Variants in LRGUK observed in about 807,000 individuals in gnomAD.
LRGUK encodes the protein leucine-rich repeat and guanylate kinase domain-containing protein.
Under a neutral mutation model 76.0 loss-of-function variants are expected in LRGUK, and 65 were observed. That is an observed-to-expected ratio of 0.85 (90% CI 0.70 to 1.05). The LOEUF is 1.05. LRGUK is among the 50% of genes least tolerant of loss of function. The pLI, the probability that LRGUK is intolerant of heterozygous loss-of-function variation, is 0.00. For missense variants in LRGUK, 758 were observed against 732.8 expected, an observed-to-expected ratio of 1.03 and a Z score of -0.40; for synonymous variants, 268 against 265.6, an observed-to-expected ratio of 1.01 and a Z score of -0.09.
chr7:134,216,621 TAAAATC>T (rs1801443047), intron 15 of LRGUK, among the ~76,000 whole-genome samples: 1 of 152,194 alleles, frequency 6.6e-6, no homozygotes, highest in South Asian at 2.1e-4. Context: ...TCATTATTGA[TAAAATC>T]AAGATCATTT....
chr7:134,193,225 G>A (rs931234231), intron 12 of LRGUK, among the ~76,000 whole-genome samples: 1 of 152,278 alleles, frequency 6.6e-6, no homozygotes, highest in East Asian at 1.9e-4. Flanking sequence ...TGGCAGTTCA[G>A]TTTAATTGAT....
intron 16 of LRGUK, among the ~76,000 whole-genome samples, chr7:134,237,855 T>C (rs1377625054): frequency 1.3e-5 from 2 of 152,200 alleles, no homozygotes; most frequent in African/African-American, 4.8e-5. Context: ...TAAGTTTTTT[T>C]CTATTATGTA....
At position 134,257,774 on chromosome 7, in the gene LRGUK, A is replaced by G. The variant is rs1261878190; in HGVS notation, c.2199-483A>G. ...AGCCCAGATCGTGTCACTGCCCTCC[A>G]GTCTGGGTGACAGAATAAGACTCTG... On this transcript the variant is annotated intron_variant, in intron 18 of 19. Transcript: ENST00000285928. Among the ~76,000 whole-genome samples, 5 of 152,160 alleles carry G rather than the reference A, an allele frequency of 3.3e-5. No homozygotes were observed. In the East Asian group the frequency reaches 5.8e-4, roughly 18 times the overall value.
intron 7 of LRGUK, among the ~76,000 whole-genome samples, chr7:134,171,372 T>C (rs962594547): frequency 8.6e-5 from 13 of 151,914 alleles, no homozygotes; most frequent in African/African-American, 2.9e-4. Context: ...TTGTACCCAA[T>C]TGTTTTCTAA....
chr7:134,271,512 G>A, the LRGUK span, among the ~76,000 whole-genome samples: 151,766 of 151,978 alleles, frequency 1, 75,777 homozygotes, highest in East Asian at 1. Context: ...TTTTATTCCA[G>A]TTGTCCCATT....
At chr7:134,177,151 C>T (rs1206240115) in intron 9 of LRGUK, 88 bp downstream of exon 9, 1 of 734,300 alleles carries the variant, frequency 1.4e-6, no homozygotes, top group Non-Finnish European at 2.3e-6. Flanking sequence ...GCAATATAAT[C>T]AATAAATAAG....
intron 7 of LRGUK, among the ~76,000 whole-genome samples, chr7:134,164,380 T>C (rs1798884722): frequency 6.6e-6 from 1 of 152,156 alleles, no homozygotes; most frequent in Non-Finnish European, 1.5e-5. Flanking sequence ...GGACTGGGTT[T>C]ACTCAAATTT....
intron 19 of LRGUK, among the ~76,000 whole-genome samples, chr7:134,261,807 G>T (rs80066080): frequency 0.026 from 3,944 of 152,246 alleles, 115 homozygotes; most frequent in African/African-American, 0.073. Flanking sequence ...TACCATTGTA[G>T]CGTGAGAACA....
At chr7:134,147,742 G>A (rs1246176522) in intron 4 of LRGUK, among the ~76,000 whole-genome samples, 1 of 152,096 alleles carries the variant, frequency 6.6e-6, no homozygotes, top group Non-Finnish European at 1.5e-5. Flanking sequence ...ATCCCTCAAA[G>A]TGGACAGAAA....
chr7:134,139,394 T>C, intron 2 of LRGUK, 42 bp from the exon 3 acceptor site: 3 of 1,315,098 alleles, frequency 2.3e-6, no homozygotes, highest in Non-Finnish European at 3.3e-6. Context: ...AGTAGTAACC[T>C]GATAAAGCAA....
chr7:134,267,114 T>C (rs1802870391), downstream of LRGUK, among the ~76,000 whole-genome samples: 3 of 150,946 alleles, frequency 2.0e-5, no homozygotes, highest in South Asian at 4.2e-4. Flanking sequence ...AACAAACCTA[T>C]CCTAAAAGAA....
intron 18 of LRGUK, among the ~76,000 whole-genome samples, chr7:134,255,941 C>T (rs1802567671): frequency 6.6e-6 from 1 of 152,060 alleles, no homozygotes; most frequent in Non-Finnish European, 1.5e-5. Flanking sequence ...ATAAATACTT[C>T]AATCAGCCAC....
At chr7:134,209,175 G>A in exon 16 of LRGUK, 1 of 399,234 alleles carries the variant, frequency 2.5e-6, no homozygotes. Context: ...CCTCAGCCAG[G>A]CCAGGACAAG....
exon 16 of LRGUK, chr7:134,208,973 G>T: frequency 2.5e-6 from 1 of 399,036 alleles, no homozygotes; most frequent in Non-Finnish European, 4.4e-6. Context: ...ATCAGCACTG[G>T]GTCTTCCTCA....
chr7:134,168,861 G>A (rs1179577221), intron 7 of LRGUK, among the ~76,000 whole-genome samples: 2 of 152,054 alleles, frequency 1.3e-5, no homozygotes, highest in East Asian at 3.9e-4. Flanking sequence ...CATTCCAACA[G>A]CAGGGTGGGG....
At chr7:134,150,098 A>G (rs1798143658) in intron 5 of LRGUK, among the ~76,000 whole-genome samples, 1 of 151,948 alleles carries the variant, frequency 6.6e-6, no homozygotes, top group African/African-American at 2.4e-5. Context: ...ACATGGTGAA[A>G]CCCCGTCTCT....
chr7:134,234,395 C>T (rs189938002), intron 16 of LRGUK, among the ~76,000 whole-genome samples: 122 of 152,142 alleles, frequency 8.0e-4, no homozygotes, highest in African/African-American at 2.8e-3. Context: ...TTTTGCTGAA[C>T]CTACGAATGA....
rs534642937 is a variant in LRGUK, at chr7:134,127,771, T to C, written c.297+107T>C. 5.5e-4 allele frequency: 701 copies of C among 1,263,154 alleles called. 1 individual carries two copies. Among genetic ancestry groups the C allele is most frequent in the Non-Finnish European group, 7.1e-4 (663 of 927,994 alleles). The allele number at this position is 1,263,154 out of a possible 1,614,324, so 78.2% of individuals were successfully genotyped here. On this transcript the variant is annotated intron_variant, in intron 1 of 15. Transcript: ENST00000645682. ...CACCAGCCCGAAGCTTCCCACACCT[T>C]CTCAGGCTCTCTCGCCTCCAGGAAC...
chr7:134,233,110 A>C (rs1384019874), intron 16 of LRGUK, among the ~76,000 whole-genome samples: 1 of 152,224 alleles, frequency 6.6e-6, no homozygotes, highest in Non-Finnish European at 1.5e-5. Flanking sequence ...TATAGGTTAC[A>C]GATGTCTAAG....
Sources: gnomAD v4.1 joint callset for allele counts (sites outside exome capture counted in the v4.1 genomes callset) on GRCh38, gnomAD v4.1.1 for gene constraint, MANE v1.5 for transcripts, NCBI Gene and HGNC (gene_info 2026-07-23, HGNC 2026-07-21) for gene names.